Variants in LRBA observed in about 807,000 individuals in gnomAD.
LRBA encodes the protein LPS responsive beige-like anchor protein.
In LRBA, 176 loss-of-function variants were observed where a neutral mutation model predicts 330.0. The observed-to-expected ratio is 0.53, with a 90% CI of 0.47 to 0.60. The LOEUF (loss-of-function observed/expected upper bound fraction) is 0.60. Ranked by LOEUF, LRBA falls within the 20% of genes least tolerant of loss-of-function variation. The pLI, the probability that LRBA is intolerant of heterozygous loss-of-function variation, is 0.00. For synonymous variants in LRBA, 1,230 were observed against 1,193.0 expected (o/e 1.03, Z -0.64); for missense variants, 3,259 against 3,444.8 (o/e 0.95, Z 1.35).
intron 47 of LRBA, among the ~76,000 whole-genome samples, chr4:150,375,933 A>G (rs967052105): frequency 3.3e-5 from 5 of 152,088 alleles, no homozygotes; most frequent in Admixed American, 3.3e-4. Context: ...ACCATCACTC[A>G]CTATAGATAA....
intron 11 of LRBA, among the ~76,000 whole-genome samples, chr4:150,906,709 C>T: frequency 6.6e-6 from 1 of 152,018 alleles, no homozygotes; most frequent in Admixed American, 6.6e-5. Context: ...CAACCAATAA[C>T]AAATACTTAT....
At chr4:150,423,552 T>A (rs957574264) in intron 46 of LRBA, 1 of 408,844 alleles carries the variant, frequency 2.4e-6, no homozygotes, top group Non-Finnish European at 4.6e-6. Flanking sequence ...GGGCTATACT[T>A]CTTACTGTTG....
At chr4:150,308,566 A>G (rs1730651671) in intron 52 of LRBA, among the ~76,000 whole-genome samples, 1 of 152,212 alleles carries the variant, frequency 6.6e-6, no homozygotes, top group Admixed American at 6.5e-5. Flanking sequence ...CAAACCCTTC[A>G]GGAGGTATTC....
chr4:150,905,168 G>C (rs560059982), intron 13 of LRBA, among the ~76,000 whole-genome samples: 2 of 151,642 alleles, frequency 1.3e-5, no homozygotes, highest in African/African-American at 4.8e-5. Flanking sequence ...CATTCACATA[G>C]AACTAATTGG....
At chr4:150,817,062 T>G in intron 31 of LRBA, 62 bp downstream of exon 31, 3 of 1,510,458 alleles carry the variant, frequency 2.0e-6, no homozygotes, top group Middle Eastern at 1.7e-4. Context: ...ATCAAAAATC[T>G]TAAGCGTTGC....
chr4:150,697,332 A>ACATC (rs1561527514), intron 36 of LRBA, among the ~76,000 whole-genome samples: 1 of 142,658 alleles, frequency 7.0e-6, no homozygotes, highest in African/African-American at 2.7e-5. Flanking sequence ...TCAGAAAAAA[A>ACATC]AAAAAAAAAA....
intron 2 of LRBA, among the ~76,000 whole-genome samples, chr4:150,931,557 T>C (rs1002193780): frequency 4.0e-5 from 6 of 151,364 alleles, no homozygotes; most frequent in Non-Finnish European, 8.8e-5. Context: ...GGCCTGGAGT[T>C]TGAGACCAGT....
At chr4:150,760,904 C>G (rs1256792615) in intron 35 of LRBA, among the ~76,000 whole-genome samples, 2 of 152,174 alleles carry the variant, frequency 1.3e-5, no homozygotes, top group Admixed American at 6.5e-5. Flanking sequence ...TACGAATACT[C>G]TTTTCGCCCT....
intron 4 of LRBA, among the ~76,000 whole-genome samples, chr4:150,928,111 G>A (rs1187978358): frequency 6.6e-6 from 1 of 152,024 alleles, no homozygotes; most frequent in African/African-American, 2.4e-5. Context: ...ATCTCAAGAG[G>A]GTAGATCCAA....
At chr4:150,358,524 G>A (rs552924469) in intron 47 of LRBA, among the ~76,000 whole-genome samples, 6 of 152,024 alleles carry the variant, frequency 3.9e-5, no homozygotes, top group Non-Finnish European at 7.4e-5. Context: ...TATACTAGAT[G>A]TTCAACTCTT....
rs1331906542 is a variant in LRBA at position 150,908,846 on chromosome 4, T to C, written c.1173A>G (p.Lys391=). Residue 391 remains lysine (K), a synonymous_variant, in exon 10 of 57, where the codon AAA becomes AAG. Coordinates refer to ENST00000651943, the MANE Select transcript of LRBA (RefSeq NM_001364905.1). Reference sequence around the variant, plus strand: ...GGAAAAGGTCGCTTTCTGCTTTGAATTTAAATGTACCCTAAGAATTAATTA... The same window carrying C: ...GGAAAAGGTCGCTTTCTGCTTTGAACTTAAATGTACCCTAAGAATTAATTA... ...QLGLGYKGTF[K]FKAESDLFLA... is the part of the protein sequence containing the mutation. The C allele has an allele frequency of 1.9e-6, 3 of 1,611,076 alleles. No homozygotes were observed. The highest frequency in any genetic ancestry group is 2.5e-6 in the Non-Finnish European group (3 of 1,177,884).
At chr4:150,451,853 T>C (rs1017989042) in intron 44 of LRBA, among the ~76,000 whole-genome samples, 26 of 152,242 alleles carry the variant, frequency 1.7e-4, no homozygotes, top group African/African-American at 5.3e-4. Context: ...TTGTGAAAGA[T>C]GCAAACTACC....
intron 28 of LRBA, among the ~76,000 whole-genome samples, chr4:150,842,547 G>A (rs1197151493): frequency 6.6e-6 from 1 of 152,154 alleles, no homozygotes; most frequent in African/African-American, 2.4e-5. Flanking sequence ...GTGAACAGAG[G>A]AGAAAACAGC....
At chr4:150,993,198 T>A (rs1742284618) in intron 2 of LRBA, among the ~76,000 whole-genome samples, 1 of 152,158 alleles carries the variant, frequency 6.6e-6, no homozygotes, top group South Asian at 2.1e-4. Context: ...AGCATAATTA[T>A]TAGAACAGAT....
intron 2 of LRBA, among the ~76,000 whole-genome samples, chr4:150,957,868 T>G (rs1579319135): frequency 1.3e-5 from 2 of 149,630 alleles, no homozygotes; most frequent in South Asian, 4.1e-4. Context: ...TTTGACTTCA[T>G]GTCTCACATC....
chr4:150,367,866 T>C (rs1056094899), intron 47 of LRBA, among the ~76,000 whole-genome samples: 4 of 152,194 alleles, frequency 2.6e-5, no homozygotes, highest in African/African-American at 9.7e-5. Flanking sequence ...CTTATACTGA[T>C]AATAAATGGC....
In LRBA at chr4:150,844,219, T is replaced by A; in HGVS notation, c.4462-12A>T. On this transcript the variant is annotated splice_polypyrimidine_tract_variant and intron_variant, in intron 27 of 56. Transcript: ENST00000651943. ...ATGTCCACTGGGCTCTATTTAAGAT[T>A]AAAAAAAAATTGTATATATATATAT... 2 of 1,367,360 alleles carry A rather than the reference T, an allele frequency of 1.5e-6. No homozygotes were observed. The highest frequency in any genetic ancestry group is 1.3e-5 in the South Asian group (1 of 76,858). The allele number at this position is 1,367,360 out of a possible 1,614,324, so 84.7% of individuals were successfully genotyped here.
At chr4:150,506,758 T>C (rs991845720) in intron 40 of LRBA, among the ~76,000 whole-genome samples, 2 of 152,058 alleles carry the variant, frequency 1.3e-5, no homozygotes, top group Non-Finnish European at 2.9e-5. Context: ...AAAGAAAGGG[T>C]ATTCGATTAG....
chr4:150,648,687 T>A (rs1779431528), intron 37 of LRBA, among the ~76,000 whole-genome samples: 1 of 152,156 alleles, frequency 6.6e-6, no homozygotes, highest in Admixed American at 6.6e-5. Context: ...AAGATGAAGC[T>A]TATTAGCATT....
Sources: gnomAD v4.1 joint callset for allele counts (sites outside exome capture counted in the v4.1 genomes callset) on GRCh38, gnomAD v4.1.1 for gene constraint, MANE v1.5 for transcripts, NCBI Gene and HGNC (gene_info 2026-07-23, HGNC 2026-07-21) for gene names.